The following TTN variants were observed in gnomAD, a reference collection of about 807,000 sequenced individuals.
The protein encoded by TTN is connectin.
Under a neutral mutation model 3,223.0 loss-of-function variants are expected in TTN, and 1,525 were observed. The ratio of observed to expected loss-of-function variants is 0.47; its 90% CI spans 0.45 to 0.49. TTN has a LOEUF of 0.49. TTN is among the 20% of genes least tolerant of loss of function. The probability of loss-of-function intolerance (pLI) is 0.00; values close to 1 mark genes in which losing one functional copy is unlikely to be tolerated. For synonymous variants in TTN, 14,094 were observed against 15,161.0 expected (o/e 0.93, Z 5.17); for missense variants, 40,786 against 43,424.0 (o/e 0.94, Z 5.40).
intron 11 of TTN, 131 bp downstream of exon 11, chr2:178,790,577 G>T (rs1230331782): frequency 6.8e-6 from 10 of 1,465,310 alleles, no homozygotes; most frequent in Admixed American, 3.5e-5. Flanking sequence ...TGTGGGAAAA[G>T]AAATTTTCTA....
At chr2:178,615,856 A>G in intron 257 of TTN, 68 bp from the exon 258 acceptor site, 1 of 1,512,884 alleles carries the variant, frequency 6.6e-7, no homozygotes, top group Non-Finnish European at 8.9e-7. Flanking sequence ...AAAGATTTTT[A>G]CCATGACCAG....
intron 156 of TTN, 60 bp downstream of exon 156, chr2:178,671,030 A>G: frequency 7.6e-7 from 1 of 1,323,388 alleles, no homozygotes; most frequent in Non-Finnish European, 1.0e-6. Context: ...TTGTGCTTAT[A>G]AAGCAACCAA....
In TTN at chr2:178,573,765, G is replaced by C. The variant is rs1709083806; in HGVS notation, c.72367C>G (p.Pro24123Ala). 1 of 1,600,586 alleles carries C rather than the reference G, an allele frequency of 6.2e-7. No individual in the cohort carries two copies. The highest frequency in any genetic ancestry group is 1.3e-5 in the African/African-American group (1 of 74,388). Residue 24123 changes from proline to alanine, a missense_variant, in exon 326 of 363, where the codon CCA becomes GCA. Pro to Ala is a conservative substitution (Grantham distance 27). Transcript: ENST00000589042. ...GCCAAAGGTCCTTCAGGTGGGCCTG[G>C]TCTGTCAAGAACTTTGACATTGAAA... ...HIFNVKVLDR[P>A]GPPEGPLAVT...
At chr2:178,558,926 A>G (rs959526727) in intron 326 of TTN, 1 of 428,570 alleles carries the variant, frequency 2.3e-6, no homozygotes, top group Non-Finnish European at 4.1e-6. Context: ...AACAAGATGA[A>G]CAATCTTTTA....
chr2:178,748,486 C>T (rs1327575573), intron 47 of TTN: 2 of 1,612,846 alleles, frequency 1.2e-6, no homozygotes, highest in African/African-American at 2.7e-5. Flanking sequence ...CCTGCTGTTC[C>T]CTAGTTTCTT....
Position 178,564,221 on chromosome 2 carries a change from A to G in TTN, c.81911T>C (p.Ile27304Thr), listed in dbSNP as rs753976208. Residue 27304 changes from isoleucine to threonine, a missense_variant, in exon 326 of 363, where the codon ATA becomes ACA. Coordinates refer to ENST00000589042, the MANE Select transcript of TTN (RefSeq NM_001267550.2). ...VLEADIRGKP[I>T]PDVVWSKDGK... is the part of the protein sequence containing the mutation. ...ATCTTTTGACCAAACAACATCAGGT[A>G]TAGGTTTGCCACGGATGTCGGCTTC... The G allele has an allele frequency of 2.2e-5, 36 of 1,613,386 alleles. No homozygotes were observed. The highest frequency in any genetic ancestry group is 3.0e-5 in the Non-Finnish European group (35 of 1,179,792).
chr2:178,741,275 G>A lies in TTN; in HGVS notation c.11958C>T (p.Ile3986=). ...KQLCTSVYYT[I]IHNPNGSGTF... ...TTCCAGAGCCATTAGGGTTATGAAT[G>A]ATAGTGTAATAAACACTGGTGCAAA... The change falls in exon 48 of 363, where the codon ATC becomes ATT. Residue 3986 remains isoleucine (I), a synonymous_variant. Transcript: ENST00000589042. 6.2e-7 allele frequency: 1 copy of A among 1,613,884 alleles called. No homozygotes were observed. Among genetic ancestry groups the A allele is most frequent in the Non-Finnish European group, 8.5e-7 (1 of 1,179,830 alleles).
In TTN at chr2:178,566,555, A is replaced by G; in HGVS notation, c.79577T>C (p.Ile26526Thr). 1.2e-6 allele frequency: 2 copies of G among 1,613,198 alleles called. No individual in the cohort carries two copies. Among genetic ancestry groups the G allele is most frequent in the Non-Finnish European group, 8.5e-7 (1 of 1,179,680 alleles). ...GSEILGYVVEICKADEEEWQI... is the reference protein window; with the variant it reads ...GSEILGYVVETCKADEEEWQI... ...CCATTCTTCTTCATCTGCTTTACAG[A>G]TTTCTACTACATATCCCAAGATCTC... Residue 26526 changes from isoleucine (I) to threonine (T), a missense_variant, in exon 326 of 363, where the codon ATC (isoleucine) becomes ACC (threonine). Transcript: ENST00000589042.
rs773829475 is a variant in TTN at position 178,562,301 on chromosome 2, C to T, written c.83831G>A (p.Arg27944Lys). The T allele has an allele frequency of 1.2e-6, 2 of 1,613,292 alleles. No individual in the cohort carries two copies. The highest frequency in any genetic ancestry group is 1.1e-5 in the South Asian group (1 of 91,004). The change falls in exon 326 of 363, where the codon AGA becomes AAA. Residue 27944 changes from arginine to lysine, a missense_variant. Coordinates refer to ENST00000589042, the MANE Select transcript of TTN (RefSeq NM_001267550.2). ...CACTCCAAGTTGTCTTGGATCACTT[C>T]TTCCCTTTTCGTTAACTGCAGCTAC... ...FRVAAVNEKG[R>K]SDPRQLGVPV...
At chr2:178,683,041 T>C (rs1374563612) in intron 134 of TTN, 138 bp from the exon 135 acceptor site, 2 of 1,036,666 alleles carry the variant, frequency 1.9e-6, no homozygotes, top group Admixed American at 4.9e-5. Flanking sequence ...TGTTCTTTTT[T>C]GGCCAGTCAA....
chr2:178,549,892 T>G, intron 337 of TTN, 23 bp from the exon 338 acceptor site: 1 of 1,538,118 alleles, frequency 6.5e-7, no homozygotes, highest in Non-Finnish European at 8.7e-7. Context: ...GTTTCTAGAG[T>G]TAGTTTCTTT....
chr2:178,794,689 A>G (rs2093677700), intron 7 of TTN, 138 bp from the exon 8 acceptor site: 2 of 1,127,874 alleles, frequency 1.8e-6, no homozygotes, highest in Non-Finnish European at 2.6e-6. Context: ...AGAAATACAG[A>G]GACTGTATCA....
chr2:178,677,193 A>G lies in TTN; in HGVS notation c.34378+8T>C. Reference sequence around the variant, plus strand: ...TGAACAATGTGTATTCACTTTGGGGAGGTGTACCTTTGGGTGGTGGTGGAG... The same window carrying G: ...TGAACAATGTGTATTCACTTTGGGGGGGTGTACCTTTGGGTGGTGGTGGAG... On this transcript the variant is annotated splice_region_variant and intron_variant, in intron 147 of 362. Transcript: ENST00000589042. The G allele has an allele frequency of 8.2e-7, 1 of 1,224,008 alleles. No homozygotes were observed. The allele number at this position is 1,224,008 out of a possible 1,614,324, so 75.8% of individuals were successfully genotyped here. A position where few individuals can be genotyped will look rare whatever the true frequency, so the allele number is the denominator to read the frequency against.
chr2:178,742,853 C>CT (rs1194292290), intron 47 of TTN: 1 of 152,014 alleles, frequency 6.6e-6, no homozygotes, highest in African/African-American at 2.4e-5. Flanking sequence ...ATGAAATAGA[C>CT]TTACACCTTA....
Position 178,574,538 on chromosome 2 carries a change from C to A in TTN, c.71594G>T (p.Arg23865Ile), listed in dbSNP as rs1255670842. Residue 23865 changes from arginine to isoleucine, a missense_variant, in exon 326 of 363, where the codon AGA becomes ATA. Arg to Ile is a moderately conservative substitution (Grantham distance 97). Coordinates refer to ENST00000589042, the MANE Select transcript of TTN (RefSeq NM_001267550.2). ...GSPILGYHVE[R>I]KERNGILWQT... ...CCAGAGAATACCATTTCGTTCTTTT[C>A]TTTCAACATGATATCCTAAAATGGG... is the stretch of plus-strand genomic sequence containing the variant. 6.2e-7 allele frequency: 1 copy of A among 1,613,592 alleles called. No homozygotes were observed. The highest frequency in any genetic ancestry group is 1.1e-5 in the South Asian group (1 of 91,068).
chr2:178,584,958 G>C lies in TTN; in HGVS notation c.64683C>G (p.Gly21561=), dbSNP rs542156552. ...AAATGTCAAATGGAGGCTGAGGGGG[G>C]CCGGGGGCATCTACATGAACCAAGA... ...KIKVVVMDAP[G]PPQPPFDISD... is the part of the protein sequence containing the mutation. The change falls in exon 310 of 363, where the codon GGC becomes GGG. Residue 21561 remains glycine (G), a synonymous_variant. Transcript: ENST00000589042. 3.3e-5 allele frequency: 53 copies of C among 1,613,056 alleles called. No homozygotes were observed. Among genetic ancestry groups the C allele is most frequent in the South Asian group, 9.9e-5 (9 of 91,004 alleles).
At chr2:178,666,752 T>G in intron 163 of TTN, 72 bp downstream of exon 163, 1 of 1,306,874 alleles carries the variant, frequency 7.7e-7, no homozygotes, top group East Asian at 2.6e-5. Context: ...TTAAAAGATA[T>G]TAGTATTTTT....
chr2:178,753,263 G>A, intron 46 of TTN, 83 bp from the exon 47 acceptor site: 1 of 1,150,420 alleles, frequency 8.7e-7, no homozygotes, highest in Non-Finnish European at 1.3e-6. Flanking sequence ...TATGATTAAA[G>A]TTTTCTTTTT....
chr2:178,588,467 T>C, intron 304 of TTN, 71 bp downstream of exon 304: 1 of 1,442,468 alleles, frequency 6.9e-7, no homozygotes, highest in South Asian at 1.5e-5. Context: ...TTACATTAAC[T>C]TATTTATCGA....
Sources: gnomAD v4.1 joint callset for allele counts on GRCh38, gnomAD v4.1.1 for gene constraint, MANE v1.5 for transcripts, NCBI Gene and HGNC (gene_info 2026-07-23, HGNC 2026-07-21) for gene names.